VPS13D: variants seen among roughly 807,000 people sequenced by gnomAD.
The protein encoded by VPS13D is vacuolar protein sorting 13 homolog D, also known as intermembrane lipid transfer protein VPS13D.
A neutral mutation model predicts 461.9 loss-of-function variants in VPS13D; 187 were observed. That is an observed-to-expected ratio of 0.40 (90% CI 0.36 to 0.46). The LOEUF is 0.46. Among genes scored for constraint, VPS13D ranks in the 20% least tolerant of loss-of-function variants. The probability of loss-of-function intolerance (pLI) is 0.60; values close to 1 mark genes in which losing one functional copy is unlikely to be tolerated. For synonymous variants in VPS13D, 1,951 were observed against 1,986.3 expected (o/e 0.98, Z 0.47); for missense variants, 4,711 against 5,364.9 (o/e 0.88, Z 3.81).
chr1:12,370,080 A>T (rs1644095614), intron 54 of VPS13D, among the ~76,000 whole-genome samples: 1 of 152,362 alleles, frequency 6.6e-6, no homozygotes, highest in East Asian at 1.9e-4. Context: ...CATTGAGAAT[A>T]CTGGTTAAGC....
chr1:12,351,063 A>G (rs1643780248), intron 46 of VPS13D, among the ~76,000 whole-genome samples: 1 of 152,238 alleles, frequency 6.6e-6, no homozygotes, highest in Non-Finnish European at 1.5e-5. Context: ...TTGTCCACAA[A>G]GAACACTATA....
chr1:12,230,472 C>T (rs1307302330), intron 1 of VPS13D, among the ~76,000 whole-genome samples: 2 of 152,128 alleles, frequency 1.3e-5, no homozygotes, highest in African/African-American at 2.4e-5. Context: ...GCACACTTTC[C>T]GGGGTCCCAG....
At chr1:12,278,154 T>C (rs1641671059) in intron 19 of VPS13D, 116 bp downstream of exon 19, 1 of 1,125,860 alleles carries the variant, frequency 8.9e-7, no homozygotes, top group Admixed American at 2.8e-5. Context: ...AATCCTCAGT[T>C]AATATTTAAG....
intron 68 of VPS13D, among the ~76,000 whole-genome samples, chr1:12,500,749 T>C (rs1312857543): frequency 6.6e-6 from 1 of 151,512 alleles, no homozygotes; most frequent in African/African-American, 2.4e-5. Flanking sequence ...AGATGAGGTC[T>C]CGCCATGTTG....
intron 5 of VPS13D, among the ~76,000 whole-genome samples, chr1:12,246,806 CTT>C (rs1382478476): frequency 9.8e-5 from 15 of 152,330 alleles, no homozygotes; most frequent in Non-Finnish European, 7.3e-5. Context: ...GGTCAAGTCT[CTT>C]TGGAATGGAA....
chr1:12,463,560 G>A (rs1247836340), intron 67 of VPS13D, among the ~76,000 whole-genome samples: 6 of 152,044 alleles, frequency 3.9e-5, no homozygotes, highest in Non-Finnish European at 7.4e-5. Context: ...AGACCAGCCT[G>A]GGCAACACAA....
Position 12,234,244 on chromosome 1 carries a change from C to T in VPS13D, c.-23C>T. On this transcript the variant is annotated 5_prime_UTR_variant, in exon 2 of 70. Transcript: ENST00000620676. The stretch of plus-strand genomic sequence containing the variant: ...TAAAGAATGATCCATGATTTCTAAA[C>T]ACCTTTTCCTGAGGATATAGTCATG... 6.6e-7 allele frequency: 1 copy of T among 1,524,212 alleles called. No homozygotes were observed. The allele number at this position is 1,524,212 out of a possible 1,614,324, so 94.4% of individuals were successfully genotyped here.
At chr1:12,493,215 G>A (rs1054395609) in intron 67 of VPS13D, among the ~76,000 whole-genome samples, 1 of 151,266 alleles carries the variant, frequency 6.6e-6, no homozygotes, top group Non-Finnish European at 1.5e-5. Context: ...CTGGCCGGGT[G>A]CGGTGGCTCA....
At chr1:12,443,298 A>G (rs147084239) in intron 65 of VPS13D, among the ~76,000 whole-genome samples, 2 of 152,342 alleles carry the variant, frequency 1.3e-5, no homozygotes, top group East Asian at 1.9e-4. Flanking sequence ...GCATGTTGAT[A>G]TATGTAGCTG....
chr1:12,234,078 C>T (rs1231677776), intron 1 of VPS13D, 113 bp from the exon 2 acceptor site: 4 of 484,722 alleles, frequency 8.3e-6, no homozygotes, highest in Non-Finnish European at 1.1e-5. Flanking sequence ...ACAAACAAAA[C>T]CCAACAAAAC....
chr1:12,365,733 A>T (rs1468526355), intron 52 of VPS13D, among the ~76,000 whole-genome samples: 1 of 152,056 alleles, frequency 6.6e-6, no homozygotes, highest in African/African-American at 2.4e-5. Flanking sequence ...CTTTCATCAA[A>T]TGCTTTTGAA....
intron 14 of VPS13D, among the ~76,000 whole-genome samples, chr1:12,267,260 A>G (rs1223968242): frequency 2.0e-5 from 3 of 152,308 alleles, no homozygotes; most frequent in East Asian, 1.9e-4. Context: ...CTATAAGACC[A>G]CTATTTTCTG....
chr1:12,421,880 G>A (rs1291538318), intron 65 of VPS13D, among the ~76,000 whole-genome samples: 1 of 152,120 alleles, frequency 6.6e-6, no homozygotes, highest in Non-Finnish European at 1.5e-5. Flanking sequence ...GAGTGCAGTG[G>A]TGCAATCTCG....
At chr1:12,245,755 A>G (rs1640531340) in intron 5 of VPS13D, among the ~76,000 whole-genome samples, 1 of 152,218 alleles carries the variant, frequency 6.6e-6, no homozygotes, top group Non-Finnish European at 1.5e-5. Flanking sequence ...TAATTTAAAA[A>G]AGTAGTCATT....
In VPS13D at chr1:12,244,481, C is replaced by G. The variant is rs775319463; in HGVS notation, c.366+45C>G. 6 of 1,613,622 alleles carry G rather than the reference C, an allele frequency of 3.7e-6. No homozygotes were observed. In the East Asian group the frequency reaches 8.9e-5, roughly 24 times the overall value. On this transcript the variant is annotated intron_variant, in intron 4 of 69. Coordinates refer to ENST00000620676, the MANE Select transcript of VPS13D (RefSeq NM_015378.4). ...GGCCATAAGAGCAGTTGTGGTGACA[C>G]GTGTAAGATGAGCAAGAACACTAGA...
In VPS13D at chr1:12,276,968, A is replaced by G; in HGVS notation, c.3380A>G (p.Gln1127Arg). Residue 1127 changes from glutamine (Q) to arginine (R), a missense_variant, in exon 19 of 70, where the codon CAA becomes CGA. Gln to Arg is a conservative substitution (Grantham distance 43). Transcript: ENST00000620676. The surrounding 1 kb of genome is among the most constrained non-coding windows in gnomAD (Gnocchi z 4.5). ...ATTGTGGAGCTAATTGGTTTTCTTC[A>G]AAAATCCTTTCCCAAGGAAAAAGAT... ...ETIVELIGFL[Q>R]KSFPKEKDDL... is the part of the protein sequence containing the mutation. The G allele has an allele frequency of 6.2e-7, 1 of 1,614,104 alleles. No homozygotes were observed. Among genetic ancestry groups the G allele is most frequent in the South Asian group, 1.1e-5 (1 of 91,074 alleles).
Position 12,321,908 on chromosome 1 carries a change from A to G in VPS13D, c.7648A>G (p.Asn2550Asp). The change falls in exon 33 of 70, where the codon AAT becomes GAT. Residue 2550 changes from asparagine to aspartate, a missense_variant. Around this residue, in one of 3 missense-constraint regions of VPS13D, gnomAD observed 4,411 missense variants for 4,937.8 expected, o/e 0.89. Coordinates refer to ENST00000620676, the MANE Select transcript of VPS13D (RefSeq NM_015378.4). Reference sequence around the variant, plus strand: ...GTTGGTGGGGAATTCTTCTTATCAAAATAGTTCAGGATTGATGGATGCATT... The same window carrying G: ...GTTGGTGGGGAATTCTTCTTATCAAGATAGTTCAGGATTGATGGATGCATT... Reference protein sequence around the residue: ...MELVGNSSYQNSSGLMDAFNS... With the variant: ...MELVGNSSYQDSSGLMDAFNS... 1 of 1,613,736 alleles carries G rather than the reference A, an allele frequency of 6.2e-7. No homozygotes were observed. Among genetic ancestry groups the G allele is most frequent in the Non-Finnish European group, 8.5e-7 (1 of 1,179,906 alleles).
At chr1:12,483,119 G>A (rs995626878) in intron 67 of VPS13D, among the ~76,000 whole-genome samples, 30 of 152,148 alleles carry the variant, frequency 2.0e-4, no homozygotes, top group African/African-American at 7.2e-4. Flanking sequence ...ATTGTGAATT[G>A]CCTTCTAGGG....
chr1:12,437,138 A>G (rs1645072907), intron 65 of VPS13D, among the ~76,000 whole-genome samples: 1 of 152,170 alleles, frequency 6.6e-6, no homozygotes, highest in South Asian at 2.1e-4. Flanking sequence ...AAACCAAGTC[A>G]TGGCTTGTTT....
Sources: gnomAD v4.1 joint callset for allele counts (sites outside exome capture counted in the v4.1 genomes callset) on GRCh38, gnomAD v4.1.1 for gene constraint, gnomAD v4.1.1 regional missense constraint, Gnocchi (gnomAD v3.1) non-coding constraint, MANE v1.5 for transcripts, NCBI Gene and HGNC (gene_info 2026-07-23, HGNC 2026-07-21) for gene names.